NUP50: variants seen among roughly 807,000 people sequenced by gnomAD.
NUP50 encodes the protein nucleoporin 50, also known as nuclear pore complex protein Nup50.
A neutral mutation model predicts 36.8 loss-of-function variants in NUP50; 14 were observed. That is an observed-to-expected ratio of 0.38 (90% CI 0.25 to 0.59). NUP50 has a LOEUF of 0.59. Ranked by LOEUF, NUP50 falls within the 20% of genes least tolerant of loss-of-function variation. The pLI is 0.63. For missense variants in NUP50, 455 were observed against 564.6 expected, an observed-to-expected ratio of 0.81 and a Z score of 1.97; for synonymous variants, 195 against 210.8, an observed-to-expected ratio of 0.93 and a Z score of 0.65.
chr22:45,168,923 A>G (rs925227239), intron 2 of NUP50, among the ~76,000 whole-genome samples: 1 of 127,864 alleles, frequency 7.8e-6, no homozygotes, highest in Admixed American at 8.6e-5. Context: ...TTTTTTTGAG[A>G]CAGAGTCTCA....
At chr22:45,166,070 C>T (rs1415502033) in intron 1 of NUP50, 2 of 152,172 alleles carry the variant, frequency 1.3e-5, no homozygotes, top group African/African-American at 4.8e-5. Flanking sequence ...TGGAGTATAT[C>T]TGTAAACAAA....
chr22:45,179,758 C>G (rs1019064404), intron 5 of NUP50, among the ~76,000 whole-genome samples: 2 of 152,178 alleles, frequency 1.3e-5, no homozygotes, highest in South Asian at 4.1e-4. Context: ...AGGTGGTGGG[C>G]GCCTGTAGTC....
chr22:45,170,393 TG>T (rs2074171149), intron 2 of NUP50, among the ~76,000 whole-genome samples: 1 of 152,176 alleles, frequency 6.6e-6, no homozygotes, highest in Non-Finnish European at 1.5e-5. Flanking sequence ...ATCAGCAGTG[TG>T]TTACCCCCAG....
At chr22:45,184,182 T>C (rs1050021177) in intron 7 of NUP50, 4 of 468,206 alleles carry the variant, frequency 8.5e-6, no homozygotes, top group Non-Finnish European at 1.5e-5. Context: ...CTGACGGTTC[T>C]GAGCGAGGCT....
intron 7 of NUP50, chr22:45,184,117 T>C (rs1200927416): frequency 3.3e-6 from 1 of 306,346 alleles, no homozygotes; most frequent in Non-Finnish European, 6.1e-6. Flanking sequence ...GTGAAGACAC[T>C]GGGTTGTGCC....
chr22:45,174,525 T>C (rs542738178), intron 3 of NUP50, among the ~76,000 whole-genome samples: 1 of 152,074 alleles, frequency 6.6e-6, no homozygotes, highest in African/African-American at 2.4e-5. Context: ...TCTGAATATC[T>C]TTTTTTTGTT....
intron 4 of NUP50, 21 bp from the exon 5 acceptor site, chr22:45,178,217 T>C (rs549563199): frequency 5.0e-6 from 8 of 1,593,608 alleles, no homozygotes; most frequent in Non-Finnish European, 6.8e-6. Flanking sequence ...AATAAATGGT[T>C]CAATTATTAA....
At chr22:45,183,585 C>A in intron 7 of NUP50, 65 bp downstream of exon 7, 1 of 1,002,368 alleles carries the variant, frequency 1.0e-6, no homozygotes, top group Non-Finnish European at 1.6e-6. Context: ...GTTTACCCTG[C>A]TGACTCAAGG....
At chr22:45,181,999 A>G (rs1295438092) in intron 6 of NUP50, among the ~76,000 whole-genome samples, 1 of 152,238 alleles carries the variant, frequency 6.6e-6, no homozygotes, top group Non-Finnish European at 1.5e-5. Context: ...GCAGTTTTCC[A>G]TGAACAGGTC....
rs948969722 is a variant in NUP50 at position 45,187,634 on chromosome 22, C to T, written c.*2979C>T. On this transcript the variant is annotated 3_prime_UTR_variant, in exon 8 of 8. Coordinates refer to ENST00000347635, the MANE Select transcript of NUP50 (RefSeq NM_007172.4). ...TTGAAGGCTTTGCAAACTCCTAAAC[C>T]CCTGATGAGTCCTCTCATTCTGGAA... 1 of 152,086 alleles carries T rather than the reference C, an allele frequency of 6.6e-6. No homozygotes were observed. Among genetic ancestry groups the T allele is most frequent in the African/African-American group, 2.4e-5 (1 of 41,388 alleles). The allele number at this position is 152,086 out of a possible 1,614,324, so 9.4% of individuals were successfully genotyped here. A position where few individuals can be genotyped will look rare whatever the true frequency, so the allele number is the denominator to read the frequency against.
At chr22:45,179,051 C>G in intron 5 of NUP50, 151 bp downstream of exon 5, 1 of 669,076 alleles carries the variant, frequency 1.5e-6, no homozygotes, top group Non-Finnish European at 2.4e-6. Flanking sequence ...ATCAGCTTCT[C>G]TGAGTTTCAG....
chr22:45,184,523 T>G lies in NUP50; in HGVS notation c.1275T>G (p.Leu425=). Residue 425 remains leucine, a synonymous_variant, in exon 8 of 8, where the codon CTT becomes CTG. Coordinates refer to ENST00000347635, the MANE Select transcript of NUP50 (RefSeq NM_007172.4). ...PCTRTGKNNV[L]IVCVPNPPID... ...CGCGAACAGGGAAGAATAACGTTCTTATCGTCTGTGTTCCAAATCCACCAA... is the reference window on the plus strand; with the variant it reads ...CGCGAACAGGGAAGAATAACGTTCTGATCGTCTGTGTTCCAAATCCACCAA... 1.9e-6 allele frequency: 3 copies of G among 1,613,796 alleles called. No individual in the cohort carries two copies. Among genetic ancestry groups the G allele is most frequent in the Non-Finnish European group, 2.5e-6 (3 of 1,179,704 alleles).
At chr22:45,183,971 G>GTTT (rs1569058446) in intron 7 of NUP50, 1 of 206,442 alleles carries the variant, frequency 4.8e-6, no homozygotes, top group African/African-American at 2.3e-5. Context: ...AGAACAGGGG[G>GTTT]CTGTGTTGCA....
intron 3 of NUP50, 176 bp downstream of exon 3, chr22:45,171,859 G>C (rs1043158053): frequency 5.5e-6 from 3 of 545,574 alleles, no homozygotes; most frequent in East Asian, 2.9e-5. Context: ...ACCTTAAAGA[G>C]AGCTTATCCA....
intron 1 of NUP50, among the ~76,000 whole-genome samples, chr22:45,167,844 C>G (rs132862): frequency 0.2 from 31,022 of 152,088 alleles, 3,730 homozygotes; most frequent in East Asian, 0.57. Context: ...ATATACAGTA[C>G]TTCAGATTCC....
intron 1 of NUP50, among the ~76,000 whole-genome samples, chr22:45,165,589 C>T (rs2074083448): frequency 6.6e-6 from 1 of 152,142 alleles, no homozygotes; most frequent in Admixed American, 6.5e-5. Context: ...CTCCCCCCCA[C>T]TTCTAGCATA....
chr22:45,176,909 T>A (rs2147687829), intron 4 of NUP50, among the ~76,000 whole-genome samples: 1 of 152,200 alleles, frequency 6.6e-6, no homozygotes, highest in African/African-American at 2.4e-5. Context: ...GCCCAGCTAA[T>A]TTTTGTAATT....
At chr22:45,168,966 A>G (rs567099656) in intron 2 of NUP50, among the ~76,000 whole-genome samples, 10 of 148,692 alleles carry the variant, frequency 6.7e-5, no homozygotes, top group East Asian at 2.0e-4. Context: ...CGGTGGCACA[A>G]CCTCGGCTCA....
At position 45,178,556 on chromosome 22, in the gene NUP50, A is replaced by T; in HGVS notation, c.659A>T (p.Gln220Leu). 6.2e-7 allele frequency: 1 copy of T among 1,612,052 alleles called. No homozygotes were observed. Among genetic ancestry groups the T allele is most frequent in the Non-Finnish European group, 8.5e-7 (1 of 1,179,864 alleles). The stretch of plus-strand genomic sequence containing the variant: ...TCTAACAAAGTGGCAGCTGAAACAC[A>T]GTCTCCTTCCCTTTTTGGCTCAACA... ...SESNKVAAET[Q>L]SPSLFGSTKL... The change falls in exon 5 of 8, where the codon CAG becomes CTG. Residue 220 changes from glutamine (Q) to leucine (L), a missense_variant. Around this residue, in one of 3 missense-constraint regions of NUP50, gnomAD observed 287 missense variants for 345.5 expected, o/e 0.83. Transcript: ENST00000347635.
Sources: allele counts gnomAD v4.1 joint callset (sites outside exome capture counted in the v4.1 genomes callset), GRCh38; gene constraint gnomAD v4.1.1; regional missense constraint gnomAD v4.1.1; transcripts MANE v1.5; gene names NCBI Gene and HGNC (gene_info 2026-07-23, HGNC 2026-07-21).